Variants in ZNF107 observed in about 807,000 individuals in gnomAD.
ZNF107 encodes the protein C2H2 type zinc-finger protein.
In ZNF107, 19 loss-of-function variants were observed where a neutral mutation model predicts 12.3. That is an observed-to-expected ratio of 1.55 (90% confidence interval 1.08 to 2.27). ZNF107 has a LOEUF of 2.27. ZNF107 is among the 30% of genes most tolerant of loss of function. The pLI is 0.00. For synonymous variants in ZNF107, 317 were observed against 330.5 expected (o/e 0.96, Z 0.44); for missense variants, 958 against 979.9 (o/e 0.98, Z 0.30).
chr7:64,700,044 G>C (rs1372556247), intron 3 of ZNF107, among the ~76,000 whole-genome samples: 2 of 116,884 alleles, frequency 1.7e-5, no homozygotes, highest in Non-Finnish European at 3.2e-5. Flanking sequence ...CTGGGCGACA[G>C]AGTGAGACTC....
chr7:64,695,981 G>T (rs369597727), intron 3 of ZNF107, among the ~76,000 whole-genome samples: 1 of 151,460 alleles, frequency 6.6e-6, no homozygotes, highest in East Asian at 2.0e-4. Context: ...ATAATCCCAG[G>T]ATTTTGGAAA....
At chr7:64,691,994 C>A in intron 3 of ZNF107, 34 bp downstream of exon 3, 2 of 1,366,574 alleles carry the variant, frequency 1.5e-6, no homozygotes, top group Non-Finnish European at 1.9e-6. Context: ...CAACAGATGA[C>A]AAAGATGAAA....
intron 3 of ZNF107, 115 bp from the exon 4 acceptor site, chr7:64,706,209 G>T: frequency 1.1e-6 from 1 of 947,326 alleles, no homozygotes; most frequent in Non-Finnish European, 1.5e-6. Context: ...AGAGCCTGTG[G>T]TATTTTGCTA....
Position 64,710,590 on chromosome 7 carries a change from AT to A in ZNF107, c.*1941del, listed in dbSNP as rs1287067226. The A allele has an allele frequency of 2.0e-5, 3 of 152,218 alleles. No individual in the cohort carries two copies. Among genetic ancestry groups the A allele is most frequent in the East Asian group, 1.9e-4 (1 of 5,186 alleles). The allele number at this position is 152,218 out of a possible 1,614,324, so 9.4% of individuals were successfully genotyped here. The stretch of plus-strand genomic sequence containing the variant: ...TGTATATAACTTTAAAAGAAGTAGA[AT>A]TTTTTTGTAGATGTATAATTACATT... On this transcript the variant is annotated 3_prime_UTR_variant, in exon 4 of 4. Transcript: ENST00000620827.
intron 3 of ZNF107, among the ~76,000 whole-genome samples, chr7:64,702,060 A>G (rs1336838026): frequency 6.6e-6 from 1 of 152,042 alleles, no homozygotes; most frequent in Non-Finnish European, 1.5e-5. Flanking sequence ...GACATACTTT[A>G]TTTTTAAAAT....
At chr7:64,667,656 TG>T (rs941512806) in intron 1 of ZNF107, among the ~76,000 whole-genome samples, 18 of 152,168 alleles carry the variant, frequency 1.2e-4, no homozygotes, top group Non-Finnish European at 4.4e-5. Context: ...TGGCCTGGAA[TG>T]GAACTCTGGG....
Position 64,709,284 on chromosome 7 carries a change from A to G in ZNF107, c.*628A>G, listed in dbSNP as rs78036811. ...ACATGTAAGAGTATTTATACTGGAA[A>G]GAAACCCTACAAATGTAAAAAACGT... On this transcript the variant is annotated 3_prime_UTR_variant, in exon 4 of 4. Transcript: ENST00000620827. 14,681 of 349,296 alleles carry G rather than the reference A, an allele frequency of 0.042. 419 individuals are homozygous for G. The highest frequency in any genetic ancestry group is 0.056 in the Non-Finnish European group (9,894 of 177,022). The allele number at this position is 349,296 out of a possible 1,614,324, so 21.6% of individuals were successfully genotyped here.
At position 64,707,090 on chromosome 7, in the gene ZNF107, T is replaced by A; in HGVS notation, c.993T>A (p.His331Gln). ...AFNLFSNLTN[H>Q]KRIHAGEKPY... ...ACCTATTCTCAAATCTTACTAACCA[T>A]AAGAGAATTCATGCTGGGGAGAAAC... Residue 331 changes from histidine (H) to glutamine (Q), a missense_variant, in exon 4 of 4, where the codon CAT becomes CAA. His to Gln is a conservative substitution (Grantham distance 24). Coordinates refer to ENST00000620827, the MANE Select transcript of ZNF107 (RefSeq NM_001282359.2). The A allele has an allele frequency of 6.2e-7, 1 of 1,612,500 alleles. No individual in the cohort carries two copies. Among genetic ancestry groups the A allele is most frequent in the Non-Finnish European group, 8.5e-7 (1 of 1,179,478 alleles).
At chr7:64,671,779 C>CTTTT (rs1213610930) in intron 1 of ZNF107, among the ~76,000 whole-genome samples, 24 of 116,546 alleles carry the variant, frequency 2.1e-4, no homozygotes, top group East Asian at 7.7e-4. Flanking sequence ...CCTTTTTGTT[C>CTTTT]TTTTTTTTTT....
chr7:64,705,329 G>C (rs1790603275), intron 3 of ZNF107, among the ~76,000 whole-genome samples: 1 of 150,498 alleles, frequency 6.6e-6, no homozygotes, highest in Non-Finnish European at 1.5e-5. Flanking sequence ...CACAATTTCT[G>C]TTTTTTGCTA....
rs1423012657 is a variant in ZNF107, at chr7:64,666,154, C to A, written c.-129C>A. ...CGGGGCCTTTGTCTCTGGCTGCAGCCGGAGCTCCTGCTCTCCTCCTCACTG... is the reference window on the plus strand; with the variant it reads ...CGGGGCCTTTGTCTCTGGCTGCAGCAGGAGCTCCTGCTCTCCTCCTCACTG... On this transcript the variant is annotated 5_prime_UTR_variant, in exon 1 of 4. Coordinates refer to ENST00000620827, the MANE Select transcript of ZNF107 (RefSeq NM_001282359.2). 1.5e-6 allele frequency: 2 copies of A among 1,297,422 alleles called. No homozygotes were observed. Among genetic ancestry groups the A allele is most frequent in the South Asian group, 1.2e-5 (1 of 84,812 alleles). The allele number at this position is 1,297,422 out of a possible 1,614,324, so 80.4% of individuals were successfully genotyped here.
chr7:64,708,180 C>T lies in ZNF107; in HGVS notation c.2083C>T (p.His695Tyr). ...TAACCGATTCTCAAACCTAACTATACATAAGAGAATTCATACGGGAGAGAA... is the reference window on the plus strand; with the variant it reads ...TAACCGATTCTCAAACCTAACTATATATAAGAGAATTCATACGGGAGAGAA... Reference protein sequence around the residue: ...AYNRFSNLTIHKRIHTGEKPY... With the variant: ...AYNRFSNLTIYKRIHTGEKPY... The change falls in exon 4 of 4, where the codon CAT becomes TAT. Residue 695 changes from histidine (H) to tyrosine (Y), a missense_variant. Physicochemically the swap from His to Tyr is moderately conservative, Grantham distance 83 (BLOSUM62 2). Transcript: ENST00000620827. 1.9e-6 allele frequency: 3 copies of T among 1,612,214 alleles called. No homozygotes were observed. Among genetic ancestry groups the T allele is most frequent in the South Asian group, 1.1e-5 (1 of 90,818 alleles).
intron 1 of ZNF107, chr7:64,684,799 C>T (rs909168907): frequency 1.4e-4 from 127 of 886,564 alleles, no homozygotes; most frequent in Non-Finnish European, 1.6e-4. Flanking sequence ...CCTACTCACT[C>T]TTTATCTATC....
intron 1 of ZNF107, among the ~76,000 whole-genome samples, chr7:64,688,556 C>A (rs1332529491): frequency 6.6e-6 from 1 of 152,116 alleles, no homozygotes; most frequent in Non-Finnish European, 1.5e-5. Flanking sequence ...CCACACCCAA[C>A]CCCTTCTTCC....
chr7:64,679,481 A>G, intron 1 of ZNF107: 7 of 566,904 alleles, frequency 1.2e-5, no homozygotes, highest in Non-Finnish European at 1.6e-5. Flanking sequence ...CCACAGGGAC[A>G]TGTGCCTTGG....
chr7:64,676,778 A>G (rs1789427017), intron 1 of ZNF107, among the ~76,000 whole-genome samples: 1 of 152,164 alleles, frequency 6.6e-6, no homozygotes, highest in Non-Finnish European at 1.5e-5. Context: ...AGAAATGTAA[A>G]TTGATAGTTT....
intron 1 of ZNF107, among the ~76,000 whole-genome samples, chr7:64,689,011 A>C (rs10253381): frequency 0.35 from 52,851 of 152,006 alleles, 9,701 homozygotes; most frequent in Non-Finnish European, 0.4. Flanking sequence ...TGCGCTAATC[A>C]AAGTGTAGAT....
rs77107387 is a variant in ZNF107 at position 64,683,328 on chromosome 7, C to T, written c.4-7920C>T. 3.3e-5 allele frequency among the ~76,000 whole-genome samples: 5 copies of T among 152,310 alleles called. No homozygotes were observed. In the East Asian group the frequency reaches 9.7e-4, roughly 29 times the overall value. ...AAGGCTGCTCTTCTGCCAGCCAAGG[C>T]TGGAGTTGTCCACTGCAGAGGATGC... On this transcript the variant is annotated intron_variant, in intron 1 of 3. Transcript: ENST00000620827.
intron 1 of ZNF107, among the ~76,000 whole-genome samples, chr7:64,677,215 A>C (rs1437896889): frequency 2.0e-5 from 3 of 150,994 alleles, no homozygotes; most frequent in Admixed American, 6.6e-5. Flanking sequence ...CTTGTTGCCC[A>C]GGCTGGAGTG....
Sources: gnomAD v4.1 joint callset for allele counts (sites outside exome capture counted in the v4.1 genomes callset) on GRCh38, gnomAD v4.1.1 for gene constraint, MANE v1.5 for transcripts, NCBI Gene and HGNC (gene_info 2026-07-23, HGNC 2026-07-21) for gene names.